The following SLC39A5 variants were observed in gnomAD, a reference collection of about 807,000 sequenced individuals.
SLC39A5 encodes the protein solute carrier family 39 member 5.
In SLC39A5, 42 loss-of-function variants were observed where a neutral mutation model predicts 46.9. The ratio of observed to expected loss-of-function variants is 0.90; its 90% CI spans 0.70 to 1.16. The LOEUF (loss-of-function observed/expected upper bound fraction) is 1.16. Among genes scored for constraint, SLC39A5 ranks in the 50% most tolerant of loss-of-function variants. The probability of loss-of-function intolerance (pLI) is 0.00; values close to 1 mark genes in which losing one functional copy is unlikely to be tolerated. For synonymous variants in SLC39A5, 311 were observed against 323.1 expected (o/e 0.96, Z 0.40); for missense variants, 677 against 686.8 (o/e 0.99, Z 0.16).
chr12:56,236,780 G>A (rs772691766), intron 10 of SLC39A5, 34 bp downstream of exon 10: 19 of 1,580,434 alleles, frequency 1.2e-5, no homozygotes, highest in African/African-American at 4.0e-5. Context: ...AAGCAGGTCC[G>A]AGGGGAGGCC....
At chr12:56,236,810 TG>T in intron 10 of SLC39A5, 64 bp downstream of exon 10, 1 of 1,577,160 alleles carries the variant, frequency 6.3e-7, no homozygotes, top group Admixed American at 1.8e-5. Context: ...AGTTATCAGC[TG>T]GGGCTAGGAG....
chr12:56,236,922 T>C lies in SLC39A5; in HGVS notation c.1208-9T>C. On this transcript the variant is annotated splice_polypyrimidine_tract_variant and intron_variant, in intron 10 of 12. Transcript: ENST00000454355. Reference sequence around the variant, plus strand: ...CTGGACTGACAACTTCCGACCCTGCTGGCCCCAGGTGCTGCCTTCTCTGAT... The same window carrying C: ...CTGGACTGACAACTTCCGACCCTGCCGGCCCCAGGTGCTGCCTTCTCTGAT... 6.2e-7 allele frequency: 1 copy of C among 1,614,078 alleles called. No homozygotes were observed. The highest frequency in any genetic ancestry group is 8.5e-7 in the Non-Finnish European group (1 of 1,179,922).
At chr12:56,236,840 G>C (rs1186054909) in intron 10 of SLC39A5, 91 bp from the exon 11 acceptor site, 2 of 1,586,134 alleles carry the variant, frequency 1.3e-6, no homozygotes, top group Non-Finnish European at 1.7e-6. Context: ...CAGGAAGATG[G>C]GGAGAGGACG....
intron 5 of SLC39A5, among the ~76,000 whole-genome samples, chr12:56,234,458 G>A (rs138477827): frequency 0.01 from 1,581 of 152,070 alleles, 29 homozygotes; most frequent in African/African-American, 0.036. Flanking sequence ...GGGATCACAG[G>A]TGCACGCCAC....
chr12:56,231,094 T>C (rs1457658545), intron 3 of SLC39A5, 110 bp from the exon 4 acceptor site: 10 of 608,466 alleles, frequency 1.6e-5, no homozygotes, highest in Non-Finnish European at 2.8e-5. Flanking sequence ...AAGGCTGCAG[T>C]AGGGGCTGCT....
Position 56,236,984 on chromosome 12 carries a change from T to C in SLC39A5, c.1261T>C (p.Phe421Leu), listed in dbSNP as rs751548975. The C allele has an allele frequency of 1.4e-5, 22 of 1,614,012 alleles. No homozygotes were observed. In the African/African-American group the frequency reaches 2.9e-4, roughly 22 times the overall value. Residue 421 changes from phenylalanine to leucine, a missense_variant, in exon 11 of 13, where the codon TTC becomes CTC. Transcript: ENST00000454355. The part of the protein sequence containing the change: ...SSGLSTTLAV[F>L]CHELPHELGD... ...CGGCCTCAGTACCACCTTAGCGGTC[T>C]TCTGCCATGAGCTGCCCCACGAACT...
chr12:56,236,521 G>A, intron 9 of SLC39A5, 29 bp downstream of exon 9: 2 of 1,614,212 alleles, frequency 1.2e-6, no homozygotes, highest in Non-Finnish European at 1.7e-6. Context: ...TTGAAGAGTA[G>A]GTTCCAAGCT....
intron 9 of SLC39A5, 32 bp from the exon 10 acceptor site, chr12:56,236,550 C>G: frequency 1.2e-6 from 2 of 1,614,010 alleles, no homozygotes. Context: ...TTACTTGCAG[C>G]CACCAACACT....
rs770227481 is a variant in SLC39A5 at position 56,237,755 on chromosome 12, G to T, written c.*24G>T. 2.6e-6 allele frequency: 4 copies of T among 1,510,908 alleles called. No homozygotes were observed. The South Asian group carries it at 5.3e-5, about 20-fold the overall frequency. 93.6% of individuals were successfully genotyped at this position (1,510,908 alleles called of 1,614,324 possible). ...GATGGGGCCAGTGGAAAGGGGTCGG[G>T]TTGCCCTTCCTTCCCCCCAACCACA... On this transcript the variant is annotated 3_prime_UTR_variant, in exon 13 of 13. Transcript: ENST00000454355.
At chr12:56,236,851 G>A in intron 10 of SLC39A5, 80 bp from the exon 11 acceptor site, 28 of 1,595,076 alleles carry the variant, frequency 1.8e-5, no homozygotes, top group Non-Finnish European at 2.2e-5. Flanking sequence ...GGAGAGGACG[G>A]GAGGACCACG....
chr12:56,232,606 T>C (rs1592374378), intron 4 of SLC39A5, 83 bp from the exon 5 acceptor site: 2 of 1,282,252 alleles, frequency 1.6e-6, no homozygotes, highest in East Asian at 2.8e-5. Context: ...GTCCCCCCAT[T>C]CCCCCTAAAA....
At chr12:56,232,622 G>A in intron 4 of SLC39A5, 67 bp from the exon 5 acceptor site, 1 of 1,429,062 alleles carries the variant, frequency 7.0e-7, no homozygotes, top group South Asian at 1.4e-5. Context: ...TAAAATCCCT[G>A]GGAGCCTCTC....
chr12:56,236,801 G>C lies in SLC39A5; in HGVS notation c.1207+55G>C, dbSNP rs527947565. On this transcript the variant is annotated intron_variant, in intron 10 of 12. Coordinates refer to ENST00000454355, the MANE Select transcript of SLC39A5 (RefSeq NM_173596.3). ...GTCCGAGGGGAGGCCAGGGCTCCTA[G>C]TTATCAGCTGGGGCTAGGAGAGGGC... The C allele has an allele frequency of 2.5e-6, 4 of 1,577,042 alleles. No individual in the cohort carries two copies. In the African/African-American group the frequency reaches 4.0e-5, roughly 16 times the overall value.
At position 56,232,695 on chromosome 12, in the gene SLC39A5, G is replaced by A. The variant is rs749866411; in HGVS notation, c.294G>A (p.Gln98=). The A allele has an allele frequency of 2.9e-5, 46 of 1,601,514 alleles. 1 individual carries two copies. The highest frequency in any genetic ancestry group is 1.7e-4 in the Middle Eastern group (1 of 5,998). ...PAADNSTHRP[Q]NPELSVDVWA... Reference sequence around the variant, plus strand: ...GCTGTCTCATCCATTCCAGGCCACAGAACCCTGAGCTGAGTGTGGATGTCT... The same window carrying A: ...GCTGTCTCATCCATTCCAGGCCACAAAACCCTGAGCTGAGTGTGGATGTCT... The change falls in exon 5 of 13, where the codon CAG becomes CAA. Residue 98 remains glutamine, a synonymous_variant. Coordinates refer to ENST00000454355, the MANE Select transcript of SLC39A5 (RefSeq NM_173596.3).
Position 56,235,560 on chromosome 12 carries a change from G to A in SLC39A5, c.805G>A (p.Ala269Thr), listed in dbSNP as rs754713181. 1.2e-6 allele frequency: 2 copies of A among 1,613,470 alleles called. No homozygotes were observed. Among genetic ancestry groups the A allele is most frequent in the South Asian group, 1.1e-5 (1 of 91,068 alleles). The change falls in exon 8 of 13, where the codon GCA becomes ACA. Residue 269 changes from alanine (A) to threonine (T), a missense_variant and splice_region_variant. By Grantham distance (58) the Ala-to-Thr change is moderately conservative. Coordinates refer to ENST00000454355, the MANE Select transcript of SLC39A5 (RefSeq NM_173596.3). ...GDALLHLLPH[A>T]QEGRHAGPGG... ...TCTGCCCTGACCTTCTCTCTGTCAG[G>A]CACAAGAAGGGCGGCACGCAGGACC...
intron 12 of SLC39A5, 94 bp from the exon 13 acceptor site, chr12:56,237,494 T>G (rs1371771772): frequency 6.3e-7 from 1 of 1,584,992 alleles, no homozygotes; most frequent in Non-Finnish European, 8.6e-7. Context: ...CTAAGGTGTT[T>G]GGGTGGGGGC....
chr12:56,232,161 C>CTTTTTTTTTTT (rs767220492), intron 4 of SLC39A5, among the ~76,000 whole-genome samples: 96 of 117,240 alleles, frequency 8.2e-4, no homozygotes, highest in Non-Finnish European at 1.1e-3. Context: ...CTTTTCTTTT[C>CTTTTTTTTTTT]TTTTTTTTTT....
At position 56,235,563 on chromosome 12, in the gene SLC39A5, C is replaced by T. The variant is rs752255941; in HGVS notation, c.808C>T (p.Gln270Ter). 1.2e-6 allele frequency: 2 copies of T among 1,613,812 alleles called. No homozygotes were observed. The highest frequency in any genetic ancestry group is 1.7e-6 in the Non-Finnish European group (2 of 1,179,948). Residue 270 changes from glutamine to a stop codon, truncating the protein, a stop_gained, in exon 8 of 13, where the codon CAA (glutamine) becomes TAA (stop). Coordinates refer to ENST00000454355, the MANE Select transcript of SLC39A5 (RefSeq NM_173596.3). LOFTEE classifies it high-confidence loss of function. ...DALLHLLPHA[Q>*]EGRHAGPGGL... is the part of the protein sequence containing the mutation. ...GCCCTGACCTTCTCTCTGTCAGGCACAAGAAGGGCGGCACGCAGGACCTGG... is the reference window on the plus strand; with the variant it reads ...GCCCTGACCTTCTCTCTGTCAGGCATAAGAAGGGCGGCACGCAGGACCTGG...
In SLC39A5 at chr12:56,231,263, T is replaced by C; in HGVS notation, c.-12T>C. 1.3e-6 allele frequency: 2 copies of C among 1,590,346 alleles called. No homozygotes were observed. The highest frequency in any genetic ancestry group is 2.2e-5 in the East Asian group (1 of 44,562). On this transcript the variant is annotated 5_prime_UTR_variant, in exon 4 of 13. Transcript: ENST00000454355. ...AGCCAGAACCTGAGCCCCTAAGCTA[T>C]TCCCCTCACCAATGATGGGGTCCCC...
Sources: gnomAD v4.1 joint callset for allele counts (sites outside exome capture counted in the v4.1 genomes callset) on GRCh38, gnomAD v4.1.1 for gene constraint, MANE v1.5 for transcripts, NCBI Gene and HGNC (gene_info 2026-07-23, HGNC 2026-07-21) for gene names.